SRRM4: variants seen among roughly 807,000 people sequenced by gnomAD.
SRRM4 encodes serine/arginine repetitive matrix 4, also known as serine/arginine repetitive matrix protein 4.
A neutral mutation model predicts 68.9 loss-of-function variants in SRRM4; 33 were observed. The observed-to-expected ratio is 0.48, with a 90% CI of 0.36 to 0.64. The LOEUF (loss-of-function observed/expected upper bound fraction) is 0.64. SRRM4 is among the 30% of genes least tolerant of loss of function. SRRM4 has a pLI of 0.00. For missense variants in SRRM4, 817 were observed against 827.1 expected (o/e 0.99, Z 0.15); for synonymous variants, 318 against 318.8 (o/e 1.00, Z 0.03).
chr12:119,153,495 C>G, intron 10 of SRRM4, 44 bp from the exon 11 acceptor site: 1 of 1,330,296 alleles, frequency 7.5e-7, no homozygotes, highest in Non-Finnish European at 1.1e-6. Flanking sequence ...ATAACCCAGG[C>G]GGACACTCAG....
Position 119,160,347 on chromosome 12 carries a change from A to G in SRRM4, c.*3549A>G, listed in dbSNP as rs1178318854. The G allele has an allele frequency of 1.4e-5, 2 of 147,186 alleles. No homozygotes were observed. The highest frequency in any genetic ancestry group is 1.4e-4 in the Admixed American group (2 of 14,760). 9.1% of individuals were successfully genotyped at this position (147,186 alleles called of 1,614,324 possible). The stretch of plus-strand genomic sequence containing the variant: ...TCAGTGTATTTCTCTACTTTCTTTT[A>G]CATTTCCTTTTTTTCTATCCAAAAA... On this transcript the variant is annotated 3_prime_UTR_variant, in exon 13 of 13. Coordinates refer to ENST00000267260, the MANE Select transcript of SRRM4 (RefSeq NM_194286.4).
rs528439585 is a variant in SRRM4, at chr12:119,081,563, T to A, written c.132-20673T>A. 4.1e-3 allele frequency among the ~76,000 whole-genome samples: 619 copies of A among 152,248 alleles called. 4 individuals carry two copies. The highest frequency in any genetic ancestry group is 0.032 in the South Asian group (153 of 4,818). ...GGGCCGGACTGTGTAGACCTTGTAG[T>A]TACTTTGGCTTTAGGGAAGTGATCA... On this transcript the variant is annotated intron_variant, in intron 1 of 12. Transcript: ENST00000267260.
chr12:118,981,583 G>T lies in SRRM4; in HGVS notation c.-300G>T. 2.9e-6 allele frequency: 1 copy of T among 340,210 alleles called. No individual in the cohort carries two copies. The highest frequency in any genetic ancestry group is 5.4e-6 in the Non-Finnish European group (1 of 185,780). 21.1% of individuals were successfully genotyped at this position (340,210 alleles called of 1,614,324 possible). On this transcript the variant is annotated 5_prime_UTR_variant, in exon 1 of 13. Transcript: ENST00000267260. The stretch of plus-strand genomic sequence containing the variant: ...CGACCCCGTCGCCTCTTCTCTCCTG[G>T]TGCTGCCCAGAAAGCCAGCCCTCCC...
At position 119,145,508 on chromosome 12, in the gene SRRM4, G is replaced by C. The variant is rs1482414299; in HGVS notation, c.899G>C (p.Ser300Thr). 1.2e-6 allele frequency: 2 copies of C among 1,609,566 alleles called. No homozygotes were observed. Among genetic ancestry groups the C allele is most frequent in the East Asian group, 4.5e-5 (2 of 44,682 alleles). ...TCCTCGCCACCCTCCACGCAAACCAGCTCAGCCAGGTCTCGGGGCCAGGAG... is the reference window on the plus strand; with the variant it reads ...TCCTCGCCACCCTCCACGCAAACCACCTCAGCCAGGTCTCGGGGCCAGGAG... ...DTSSPPSTQT[S>T]SARSRGQEKG... Residue 300 changes from serine to threonine, a missense_variant, in exon 9 of 13, where the codon AGC becomes ACC. Coordinates refer to ENST00000267260, the MANE Select transcript of SRRM4 (RefSeq NM_194286.4).
intron 7 of SRRM4, among the ~76,000 whole-genome samples, chr12:119,128,501 G>A (rs565791952): frequency 2.0e-5 from 3 of 152,258 alleles, no homozygotes; most frequent in African/African-American, 7.2e-5. Flanking sequence ...TTACAGAGAC[G>A]CCTGAAACTT....
intron 1 of SRRM4, among the ~76,000 whole-genome samples, chr12:119,025,570 G>A (rs1237383660): frequency 7.9e-5 from 12 of 152,032 alleles, no homozygotes; most frequent in Admixed American, 2.0e-4. Context: ...TCAGCCTCCC[G>A]AGTAGCTGGG....
intron 1 of SRRM4, among the ~76,000 whole-genome samples, chr12:119,060,309 C>A (rs1380624458): frequency 6.6e-6 from 1 of 150,726 alleles, no homozygotes; most frequent in Non-Finnish European, 1.5e-5. Context: ...ATAAAGTGTC[C>A]AGGAGAGCCA....
At chr12:119,136,312 A>T (rs1454652059) in intron 8 of SRRM4, among the ~76,000 whole-genome samples, 1 of 152,226 alleles carries the variant, frequency 6.6e-6, no homozygotes, top group Non-Finnish European at 1.5e-5. Flanking sequence ...CCCCTAGTCC[A>T]GGTGCTTGCA....
intron 7 of SRRM4, among the ~76,000 whole-genome samples, chr12:119,129,622 C>T (rs1428627403): frequency 6.6e-6 from 1 of 152,220 alleles, no homozygotes; most frequent in Non-Finnish European, 1.5e-5. Flanking sequence ...ACACAAGTGA[C>T]ATTAAACTGA....
At chr12:119,016,444 A>G (rs1953481445) in intron 1 of SRRM4, among the ~76,000 whole-genome samples, 1 of 151,276 alleles carries the variant, frequency 6.6e-6, no homozygotes, top group African/African-American at 2.4e-5. Context: ...AGAATTCAAT[A>G]CGATGTAATT....
Position 119,117,905 on chromosome 12 carries a change from T to A in SRRM4, c.437+897T>A, listed in dbSNP as rs796428603. Among the ~76,000 whole-genome samples the A allele has an allele frequency of 7.9e-5, 12 of 151,582 alleles. No homozygotes were observed. The South Asian group carries it at 2.5e-3, about 32-fold the overall frequency. On this transcript the variant is annotated intron_variant, in intron 4 of 12. Coordinates refer to ENST00000267260, the MANE Select transcript of SRRM4 (RefSeq NM_194286.4). ...CCAGCCTGGCAGCAGAGTGAGACTC[T>A]GTCTAAAAAACAAACAAACAAACAA...
At chr12:118,985,668 C>T (rs1308483426) in intron 1 of SRRM4, among the ~76,000 whole-genome samples, 2 of 152,010 alleles carry the variant, frequency 1.3e-5, no homozygotes, top group East Asian at 3.9e-4. Flanking sequence ...CCCTTTTATC[C>T]CCATCCAAGA....
intron 8 of SRRM4, among the ~76,000 whole-genome samples, chr12:119,140,225 A>C (rs1194843953): frequency 6.6e-6 from 1 of 152,036 alleles, no homozygotes; most frequent in Non-Finnish European, 1.5e-5. Flanking sequence ...AAATACAAAA[A>C]AAATTACCTG....
chr12:118,997,335 T>C (rs1232854817), intron 1 of SRRM4, among the ~76,000 whole-genome samples: 1 of 152,048 alleles, frequency 6.6e-6, no homozygotes, highest in African/African-American at 2.4e-5. Context: ...CCCAGTGAGG[T>C]TGTTGTATTT....
chr12:119,069,545 T>G (rs1035558794), intron 1 of SRRM4: 6 of 152,170 alleles, frequency 3.9e-5, no homozygotes, highest in African/African-American at 1.4e-4. Flanking sequence ...AAGACCCCTG[T>G]GTACAAAAGG....
At chr12:119,117,094 T>A (rs1327168430) in intron 4 of SRRM4, 86 bp downstream of exon 4, 2 of 1,056,992 alleles carry the variant, frequency 1.9e-6, no homozygotes, top group East Asian at 4.8e-5. Context: ...TCTGGAAGCA[T>A]ATCATGTCAT....
intron 1 of SRRM4, among the ~76,000 whole-genome samples, chr12:119,059,206 C>T (rs181510810): frequency 6.6e-6 from 1 of 152,130 alleles, no homozygotes; most frequent in East Asian, 1.9e-4. Context: ...TCCCTTTCTA[C>T]TTGACATTCA....
At chr12:119,069,700 T>C (rs1367516697) in intron 1 of SRRM4, 1 of 152,180 alleles carries the variant, frequency 6.6e-6, no homozygotes, top group African/African-American at 2.4e-5. Flanking sequence ...GAGAAAAGAA[T>C]GAATGTTTCC....
chr12:119,152,518 T>C (rs550775582), intron 10 of SRRM4, among the ~76,000 whole-genome samples: 2 of 152,230 alleles, frequency 1.3e-5, no homozygotes, highest in African/African-American at 4.8e-5. Context: ...AAAAAAAAGA[T>C]AAGAATTGAA....
Sources: gnomAD v4.1 joint callset for allele counts (sites outside exome capture counted in the v4.1 genomes callset) on GRCh38, gnomAD v4.1.1 for gene constraint, MANE v1.5 for transcripts, NCBI Gene and HGNC (gene_info 2026-07-23, HGNC 2026-07-21) for gene names.